Variants in FLNB observed in about 807,000 individuals in gnomAD.
FLNB encodes filamin B.
FLNB carries 111 observed loss-of-function variants against 250.6 expected under a neutral mutation model. That is an observed-to-expected ratio of 0.44 (90% CI 0.38 to 0.52). FLNB has a LOEUF of 0.52. Ranked by LOEUF, FLNB falls within the 20% of genes least tolerant of loss-of-function variation. The pLI is 0.00. For missense variants in FLNB, 2,869 were observed against 3,447.8 expected (o/e 0.83, Z 4.20); for synonymous variants, 1,302 against 1,372.1 (o/e 0.95, Z 1.13).
chr3:58,078,509 G>A (rs868292525), intron 2 of FLNB: 1 of 1,536,354 alleles, frequency 6.5e-7, no homozygotes, highest in Admixed American at 2.0e-5. Context: ...GCACCCGGAG[G>A]AGAAGTCTCA....
intron 4 of FLNB, among the ~76,000 whole-genome samples, chr3:58,090,842 T>G (rs908058265): frequency 1.6e-4 from 24 of 151,932 alleles, no homozygotes; most frequent in Non-Finnish European, 3.2e-4. Context: ...GAGGCCGAGG[T>G]GGGCGATGGG....
chr3:58,126,838 CTGAG>C, intron 24 of FLNB, 76 bp downstream of exon 24: 1 of 1,323,570 alleles, frequency 7.6e-7, no homozygotes, highest in Non-Finnish European at 1.1e-6. Context: ...GGTTATCTCT[CTGAG>C]TGGGGAAAAC....
At chr3:58,152,673 C>T in intron 38 of FLNB, 1 of 1,101,504 alleles carries the variant, frequency 9.1e-7, no homozygotes, top group Non-Finnish European at 1.2e-6. Context: ...ATGGGTGACC[C>T]TCTTTTCAAC....
In FLNB at chr3:58,169,709, A is replaced by G; in HGVS notation, c.7537A>G (p.Ser2513Gly). ...SAIPKASSDA[S>G]KVTSKGAGLS... ...CATTCCCAAGGCATCCTCGGACGCC[A>G]GCAAGGTGACCTCTAAGGGGGCAGG... Residue 2513 changes from serine (S) to glycine (G), a missense_variant, in exon 45 of 46, where the codon AGC (serine) becomes GGC (glycine). By Grantham distance (56) the Ser-to-Gly change is moderately conservative. This residue lies in a region of FLNB where 1,084 missense variants were observed against 1,315.5 expected (regional missense o/e 0.82). Coordinates refer to ENST00000295956, the MANE Select transcript of FLNB (RefSeq NM_001457.4). The surrounding 1 kb of genome is among the most constrained non-coding windows in gnomAD (Gnocchi z 4.8). 1.9e-6 allele frequency: 3 copies of G among 1,614,074 alleles called. No homozygotes were observed. Among genetic ancestry groups the G allele is most frequent in the Non-Finnish European group, 2.5e-6 (3 of 1,179,970 alleles).
Position 58,081,724 on chromosome 3 carries a change from G to C in FLNB, c.735G>C (p.Gly245=). 1.2e-6 allele frequency: 2 copies of C among 1,614,084 alleles called. No individual in the cohort carries two copies. Among genetic ancestry groups the C allele is most frequent in the Non-Finnish European group, 1.7e-6 (2 of 1,180,014 alleles). The change falls in exon 4 of 46, where the codon GGG becomes GGC. Residue 245 remains glycine, a synonymous_variant. Transcript: ENST00000295956. The part of the protein sequence containing the change: ...SQFPKAKLKP[G]APLKPKLNPK... ...TCCCCAAAGCCAAGCTCAAGCCGGG[G>C]GCTCCTCTCAAACCCAAACTCAACC... is the stretch of plus-strand genomic sequence containing the variant.
chr3:58,123,272 A>C lies in FLNB; in HGVS notation c.3306A>C (p.Thr1102=). The C allele has an allele frequency of 6.2e-7, 1 of 1,614,134 alleles. No individual in the cohort carries two copies. Among genetic ancestry groups the C allele is most frequent in the Non-Finnish European group, 8.5e-7 (1 of 1,180,024 alleles). Residue 1102 remains threonine, a synonymous_variant, in exon 21 of 46, where the codon ACA becomes ACC. Transcript: ENST00000295956. ...CCTGCTCCGTCTCTTACCTTCCCAC[A>C]AAACCCGGGGAGTACTTCGTCAACA... ...DGTCSVSYLP[T]KPGEYFVNIL...
chr3:58,103,604 T>TACCCAAAA (rs1339577071), intron 9 of FLNB, among the ~76,000 whole-genome samples: 6 of 152,174 alleles, frequency 3.9e-5, no homozygotes, highest in Non-Finnish European at 7.3e-5. Flanking sequence ...TGTGGGGGAC[T>TACCCAAAA]AGGAAGGGTA....
At chr3:58,055,757 C>T (rs987634084) in intron 1 of FLNB, among the ~76,000 whole-genome samples, 2 of 152,190 alleles carry the variant, frequency 1.3e-5, no homozygotes, top group Non-Finnish European at 2.9e-5. Context: ...GAAGACTGTA[C>T]TCTTTCTTTC....
In FLNB at chr3:58,102,274, A is replaced by C. The variant is rs753534124; in HGVS notation, c.1417A>C (p.Thr473Pro). Residue 473 changes from threonine (T) to proline (P), a missense_variant, in exon 9 of 46, where the codon ACA becomes CCA. Thr to Pro is a conservative substitution (Grantham distance 38). Coordinates refer to ENST00000295956, the MANE Select transcript of FLNB (RefSeq NM_001457.4). ...CAAAGGCGTCCGTATCCGGGAGACC[A>C]CAGATTTCAAGGTTGACACCAAAGC... The part of the protein sequence containing the change: ...QPKGVRIRET[T>P]DFKVDTKAAG... 6.2e-7 allele frequency: 1 copy of C among 1,614,108 alleles called. No individual in the cohort carries two copies. Among genetic ancestry groups the C allele is most frequent in the Non-Finnish European group, 8.5e-7 (1 of 1,180,042 alleles).
chr3:58,100,373 A>AAAAAAATATATATATATATATAT lies in FLNB; in HGVS notation c.1345+1466_1345+1467insAAAAATATATATATATATATATA. Among the ~76,000 whole-genome samples the AAAAAAATATATATATATATATAT allele has an allele frequency of 9.4e-3, 976 of 104,340 alleles. 26 individuals are homozygous for AAAAAAATATATATATATATATAT. The highest frequency in any genetic ancestry group is 0.05 in the East Asian group (147 of 2,958). 68.5% of individuals were successfully genotyped at this position (104,340 alleles called of 152,430 possible). A position where few individuals can be genotyped will look rare whatever the true frequency, so the allele number is the denominator to read the frequency against. On this transcript the variant is annotated intron_variant, in intron 8 of 45. Transcript: ENST00000295956. ...AATGATTTTACATATGTAAAAAAAA[A>AAAAAAATATATATATATATATAT]ATATATATATATTTGCAGGGGCGCG...
At chr3:58,134,482 CT>C (rs2097312902) in intron 26 of FLNB, 133 bp from the exon 27 acceptor site, 4 of 1,041,834 alleles carry the variant, frequency 3.8e-6, no homozygotes, top group Non-Finnish European at 4.5e-6. Flanking sequence ...ACTTAGGCAC[CT>C]TGACTAACTC....
At chr3:58,123,027 T>C in intron 20 of FLNB, 66 bp from the exon 21 acceptor site, 1 of 1,377,452 alleles carries the variant, frequency 7.3e-7, no homozygotes. Flanking sequence ...TATGCATGGG[T>C]GTTGAAAGCA....
At chr3:58,109,468 G>C (rs1477799704) in intron 14 of FLNB, 108 bp from the exon 15 acceptor site, 1 of 1,602,088 alleles carries the variant, frequency 6.2e-7, no homozygotes, top group Admixed American at 1.7e-5. Flanking sequence ...CCGAAGGGCA[G>C]AGTGCTCCAG....
intron 42 of FLNB, 129 bp downstream of exon 42, chr3:58,159,815 G>T (rs988958235): frequency 3.0e-6 from 3 of 987,748 alleles, no homozygotes; most frequent in Non-Finnish European, 4.6e-6. Context: ...TCCCTTTGCT[G>T]TTGCCAGATA....
At chr3:58,168,851 A>T in intron 44 of FLNB, 193 bp downstream of exon 44, 1 of 631,682 alleles carries the variant, frequency 1.6e-6, no homozygotes, top group East Asian at 2.8e-5. Flanking sequence ...AGCCGTGCAG[A>T]AGTTGAGAAA....
At chr3:58,160,853 G>A (rs2097360379) in intron 42 of FLNB, among the ~76,000 whole-genome samples, 1 of 152,226 alleles carries the variant, frequency 6.6e-6, no homozygotes, top group Non-Finnish European at 1.5e-5. Flanking sequence ...CAGGCATGGT[G>A]GCACACACCT....
chr3:58,129,702 G>C (rs973052280), intron 24 of FLNB, among the ~76,000 whole-genome samples: 1 of 152,146 alleles, frequency 6.6e-6, no homozygotes, highest in Non-Finnish European at 1.5e-5. Flanking sequence ...AAATTCTCTG[G>C]GATGCAAAGC....
At chr3:58,149,699 C>T (rs532280712) in intron 36 of FLNB, 151 bp from the exon 37 acceptor site, 1 of 930,192 alleles carries the variant, frequency 1.1e-6, no homozygotes, top group Admixed American at 2.0e-5. Context: ...ACTCATCCCC[C>T]TCTGGGCTTT....
intron 39 of FLNB, 60 bp downstream of exon 39, chr3:58,153,701 G>A (rs538765845): frequency 2.5e-6 from 4 of 1,595,096 alleles, no homozygotes; most frequent in East Asian, 2.2e-5. Flanking sequence ...AGGCAGTGTG[G>A]GCACCCACAT....
Sources: allele counts gnomAD v4.1 joint callset (sites outside exome capture counted in the v4.1 genomes callset), GRCh38; gene constraint gnomAD v4.1.1; regional missense constraint gnomAD v4.1.1; non-coding constraint Gnocchi (gnomAD v3.1); transcripts MANE v1.5; gene names NCBI Gene and HGNC (gene_info 2026-07-23, HGNC 2026-07-21).